The following LRP1B variants were observed in gnomAD, a reference collection of about 807,000 sequenced individuals.
LRP1B encodes the protein LDL receptor related protein 1B, also known as low-density lipoprotein receptor-related protein 1B.
Under a neutral mutation model 556.6 loss-of-function variants are expected in LRP1B, and 217 were observed. That is an observed-to-expected ratio of 0.39 (90% CI 0.35 to 0.44). The LOEUF (loss-of-function observed/expected upper bound fraction) is 0.44, where lower values mean the gene tolerates loss of function less well. LRP1B is among the 20% of genes least tolerant of loss of function. The pLI, the probability that LRP1B is intolerant of heterozygous loss-of-function variation, is 1.00. For synonymous variants in LRP1B, 2,047 were observed against 1,865.8 expected (o/e 1.10, Z -2.50); for missense variants, 5,053 against 5,620.8 (o/e 0.90, Z 3.23).
intron 29 of LRP1B, among the ~76,000 whole-genome samples, chr2:140,846,290 A>G (rs1692271502): frequency 6.6e-6 from 1 of 152,176 alleles, no homozygotes; most frequent in Non-Finnish European, 1.5e-5. Flanking sequence ...CATGTGAGCA[A>G]TATATACATT....
intron 21 of LRP1B, among the ~76,000 whole-genome samples, chr2:140,914,155 G>A (rs1050252894): frequency 6.6e-6 from 1 of 152,054 alleles, no homozygotes; most frequent in Non-Finnish European, 1.5e-5. Context: ...ACATCTTGAG[G>A]TAAGAGGAAG....
chr2:140,627,263 G>T (rs1464076979), intron 41 of LRP1B, among the ~76,000 whole-genome samples: 1 of 152,094 alleles, frequency 6.6e-6, no homozygotes, highest in Non-Finnish European at 1.5e-5. Context: ...GTCTGCGAGG[G>T]TGTTGAAAGA....
intron 32 of LRP1B, among the ~76,000 whole-genome samples, chr2:140,783,372 C>CAA (rs34082092): frequency 6.6e-6 from 1 of 151,322 alleles, no homozygotes; most frequent in African/African-American, 2.4e-5. Context: ...CTAGGATATA[C>CAA]AAAAAAAAGT....
chr2:141,016,270 G>T (rs984187757), intron 12 of LRP1B, among the ~76,000 whole-genome samples: 2 of 152,002 alleles, frequency 1.3e-5, no homozygotes, highest in African/African-American at 4.8e-5. Flanking sequence ...TTTAAATGTT[G>T]TCCACTTCAA....
intron 43 of LRP1B, among the ~76,000 whole-genome samples, chr2:140,555,003 CA>C (rs1680679517): frequency 6.6e-6 from 1 of 151,790 alleles, no homozygotes; most frequent in South Asian, 2.1e-4. Context: ...GAACTATAGA[CA>C]TAATCTTCCC....
intron 2 of LRP1B, among the ~76,000 whole-genome samples, chr2:141,498,300 T>C (rs1683589225): frequency 6.6e-6 from 1 of 151,586 alleles, no homozygotes; most frequent in East Asian, 1.9e-4. Flanking sequence ...TAACACCTTG[T>C]ACTATGTACA....
intron 11 of LRP1B, among the ~76,000 whole-genome samples, chr2:141,021,977 T>C (rs1401104917): frequency 1.3e-5 from 2 of 151,954 alleles, no homozygotes; most frequent in African/African-American, 4.8e-5. Flanking sequence ...CTCTTCTGTC[T>C]CTTTTCTTTA....
At chr2:140,553,795 A>G (rs1384375870) in intron 43 of LRP1B, among the ~76,000 whole-genome samples, 1 of 152,036 alleles carries the variant, frequency 6.6e-6, no homozygotes, top group Non-Finnish European at 1.5e-5. Context: ...AATGAGCTGG[A>G]GAGGTTTTCA....
At chr2:142,032,403 A>G (rs1395935729) in intron 1 of LRP1B, among the ~76,000 whole-genome samples, 1 of 151,792 alleles carries the variant, frequency 6.6e-6, no homozygotes, top group Non-Finnish European at 1.5e-5. Context: ...GTTAAACCAC[A>G]TCCCTCGGCT....
At position 140,853,963 on chromosome 2, in the gene LRP1B, GGAGT is replaced by G. The variant is rs1224312551; in HGVS notation, c.4580-2184_4580-2181del. 4.6e-5 allele frequency among the ~76,000 whole-genome samples: 7 copies of G among 151,620 alleles called. No homozygotes were observed. The East Asian group carries it at 1.2e-3, about 25-fold the overall frequency. On this transcript the variant is annotated intron_variant, in intron 27 of 90. Transcript: ENST00000389484. ...AGAAAGGTGTTGCAGGACAGGAGGA[GGAGT>G]GAGTAAGAGGCAGTGTTAAGTGTCA...
At chr2:141,546,814 T>C (rs140864857) in intron 2 of LRP1B, among the ~76,000 whole-genome samples, 16 of 152,310 alleles carry the variant, frequency 1.1e-4, no homozygotes, top group African/African-American at 3.6e-4. Context: ...AACTGCCTGC[T>C]CCTTCAACAT....
chr2:142,003,616 G>A (rs1363580395), intron 1 of LRP1B, among the ~76,000 whole-genome samples: 1 of 152,174 alleles, frequency 6.6e-6, no homozygotes, highest in Non-Finnish European at 1.5e-5. Context: ...ATGTGGCTGC[G>A]ATGGCAACAA....
chr2:141,672,349 T>C lies in LRP1B; in HGVS notation c.205+137930A>G, dbSNP rs1335017201. ...GGGAGAGCTTGAGGGTCCCAGGGCA[T>C]TGTGCAGTAATCCAGAGTGTTCACA... On this transcript the variant is annotated intron_variant, in intron 2 of 90. Coordinates refer to ENST00000389484, the MANE Select transcript of LRP1B (RefSeq NM_018557.3). Among the ~76,000 whole-genome samples, 3 of 152,208 alleles carry C rather than the reference T, an allele frequency of 2.0e-5. No individual in the cohort carries two copies. In the East Asian group the frequency reaches 5.8e-4, roughly 29 times the overall value.
chr2:141,961,216 A>G (rs1382992794), intron 1 of LRP1B, among the ~76,000 whole-genome samples: 2 of 151,630 alleles, frequency 1.3e-5, no homozygotes, highest in East Asian at 3.9e-4. Flanking sequence ...CATTGCAACA[A>G]AGAATTTCTA....
At chr2:141,926,766 T>C (rs1700343578) in intron 1 of LRP1B, among the ~76,000 whole-genome samples, 1 of 152,140 alleles carries the variant, frequency 6.6e-6, no homozygotes. Flanking sequence ...CTTAATTTCA[T>C]CTCCTTTTGC....
chr2:141,352,608 A>G lies in LRP1B; in HGVS notation c.344-97967T>C, dbSNP rs191357787. ...TTGGTTAATTGATAAAAAATGATAA[A>G]ATTTTTAAACAGATGCTTACCCAAA... On this transcript the variant is annotated intron_variant, in intron 3 of 90. Transcript: ENST00000389484. Among the ~76,000 whole-genome samples, 6 of 151,970 alleles carry G rather than the reference A, an allele frequency of 3.9e-5. No homozygotes were observed. The East Asian group carries it at 1.2e-3, about 29-fold the overall frequency.
intron 1 of LRP1B, among the ~76,000 whole-genome samples, chr2:141,900,959 A>T (rs1288552209): frequency 6.6e-6 from 1 of 152,018 alleles, no homozygotes; most frequent in African/African-American, 2.4e-5. Flanking sequence ...TTGCAGGGAC[A>T]TGCTTTTGGC....
rs933608442 is a variant in LRP1B at position 140,770,779 on chromosome 2, T to A, written c.5626+102A>T. ...ACCATTTCCTAATAACTAGTTAATT[T>A]TTTTCTAATGTTTAACTGACTTTGG... On this transcript the variant is annotated intron_variant, in intron 34 of 90. Transcript: ENST00000389484. The A allele has an allele frequency of 4.3e-6, 4 of 930,782 alleles. No individual in the cohort carries two copies. The East Asian group carries it at 1.2e-4, about 27-fold the overall frequency. The allele number at this position is 930,782 out of a possible 1,614,324, so 57.7% of individuals were successfully genotyped here.
intron 3 of LRP1B, among the ~76,000 whole-genome samples, chr2:141,479,844 A>C (rs1018165865): frequency 6.6e-6 from 1 of 152,204 alleles, no homozygotes. Flanking sequence ...CATATCATTA[A>C]TATCTAGGTA....
Sources: allele counts gnomAD v4.1 joint callset (sites outside exome capture counted in the v4.1 genomes callset), GRCh38; gene constraint gnomAD v4.1.1; transcripts MANE v1.5; gene names NCBI Gene and HGNC (gene_info 2026-07-23, HGNC 2026-07-21).